Variants in UIMC1 observed in about 807,000 individuals in gnomAD.
UIMC1 encodes the protein BRCA1-A complex subunit RAP80.
In UIMC1, 42 loss-of-function variants were observed where a neutral mutation model predicts 84.9. The ratio of observed to expected loss-of-function variants is 0.49; its 90% CI spans 0.39 to 0.64. UIMC1 has a LOEUF of 0.64. Ranked by LOEUF, UIMC1 falls within the 30% of genes least tolerant of loss-of-function variation. The pLI is 0.00. For missense variants in UIMC1, 825 were observed against 847.6 expected (o/e 0.97, Z 0.33); for synonymous variants, 281 against 293.0 (o/e 0.96, Z 0.42).
chr5:176,929,650 C>T (rs1475022992), intron 10 of UIMC1, among the ~76,000 whole-genome samples: 7 of 152,056 alleles, frequency 4.6e-5, no homozygotes, highest in Non-Finnish European at 8.8e-5. Context: ...ACAGTGGCCA[C>T]GAGTTGATGA....
intron 6 of UIMC1, among the ~76,000 whole-genome samples, chr5:176,965,738 C>T (rs975929621): frequency 2.0e-5 from 3 of 152,172 alleles, no homozygotes; most frequent in Admixed American, 6.5e-5. Flanking sequence ...CAAAGAACTT[C>T]AATCTAATTA....
At chr5:176,905,828 A>C (rs753998769) in intron 14 of UIMC1, 183 bp downstream of exon 14, 2 of 664,964 alleles carry the variant, frequency 3.0e-6, no homozygotes, top group Admixed American at 2.9e-5. Flanking sequence ...CAATGAATGA[A>C]TTGAGTTATC....
chr5:177,002,592 GAA>G (rs1774687106), intron 1 of UIMC1, among the ~76,000 whole-genome samples: 2 of 152,150 alleles, frequency 1.3e-5, no homozygotes, highest in South Asian at 4.1e-4. Context: ...ACGAGGTCAG[GAA>G]ATCGAGACCA....
chr5:176,934,768 T>C (rs1763527474), intron 10 of UIMC1, among the ~76,000 whole-genome samples: 4 of 152,228 alleles, frequency 2.6e-5, no homozygotes, highest in African/African-American at 9.6e-5. Flanking sequence ...AAGAAAGGCC[T>C]ATCAGAGTCT....
intron 10 of UIMC1, among the ~76,000 whole-genome samples, chr5:176,928,884 G>A (rs965800058): frequency 3.9e-5 from 6 of 151,900 alleles, no homozygotes; most frequent in Admixed American, 3.9e-4. Flanking sequence ...CCAGGAGGCG[G>A]AGCTTGCAGT....
At chr5:176,959,541 C>T (rs1033924062) in intron 6 of UIMC1, among the ~76,000 whole-genome samples, 1 of 149,790 alleles carries the variant, frequency 6.7e-6, no homozygotes, top group Non-Finnish European at 1.5e-5. Flanking sequence ...ACGGTGAAAC[C>T]CCGTCTCTAC....
chr5:176,988,395 A>G (rs527856348), intron 1 of UIMC1, among the ~76,000 whole-genome samples: 1 of 152,174 alleles, frequency 6.6e-6, no homozygotes, highest in East Asian at 1.9e-4. Context: ...CCTTGAAAAC[A>G]TGCCAAGCGA....
At chr5:176,920,477 T>C (rs1022304575) in intron 10 of UIMC1, among the ~76,000 whole-genome samples, 1 of 152,234 alleles carries the variant, frequency 6.6e-6, no homozygotes, top group African/African-American at 2.4e-5. Flanking sequence ...TGTTTTATAA[T>C]TCTCAGAGAA....
intron 4 of UIMC1, 198 bp downstream of exon 4, chr5:176,970,544 T>G: frequency 1.3e-6 from 1 of 753,938 alleles, no homozygotes; most frequent in Non-Finnish European, 2.1e-6. Context: ...GAAAACTCTT[T>G]CATATAGAAT....
At chr5:176,932,935 C>A (rs147772964) in intron 10 of UIMC1, among the ~76,000 whole-genome samples, 56 of 150,330 alleles carry the variant, frequency 3.7e-4, no homozygotes, top group African/African-American at 1.4e-3. Context: ...CTACTTGCTG[C>A]CCACCCACCC....
chr5:177,000,899 T>C (rs1774350584), intron 1 of UIMC1, among the ~76,000 whole-genome samples: 1 of 152,336 alleles, frequency 6.6e-6, no homozygotes, highest in Admixed American at 6.5e-5. Flanking sequence ...TCCTTATACA[T>C]TCCGGTTATT....
intron 10 of UIMC1, among the ~76,000 whole-genome samples, chr5:176,940,649 C>T (rs1301053528): frequency 6.6e-6 from 1 of 152,088 alleles, no homozygotes; most frequent in Admixed American, 6.5e-5. Flanking sequence ...CTTCAGTGCT[C>T]TGCCACTAAA....
intron 10 of UIMC1, among the ~76,000 whole-genome samples, chr5:176,937,668 T>C (rs1043749905): frequency 2.6e-5 from 4 of 152,208 alleles, no homozygotes; most frequent in South Asian, 2.1e-4. Context: ...ATATGCATAA[T>C]TGTTATTGTG....
intron 10 of UIMC1, among the ~76,000 whole-genome samples, chr5:176,938,396 A>G (rs550901998): frequency 2.4e-4 from 37 of 151,468 alleles, no homozygotes; most frequent in African/African-American, 9.1e-4. Flanking sequence ...TGGGGAAACC[A>G]AGTAAAGAGA....
chr5:177,016,144 C>T (rs1472182768), intron 1 of UIMC1, among the ~76,000 whole-genome samples: 1 of 151,962 alleles, frequency 6.6e-6, no homozygotes, highest in Non-Finnish European at 1.5e-5. Flanking sequence ...GTGGGGGGAT[C>T]ACCTGAGGAC....
intron 8 of UIMC1, among the ~76,000 whole-genome samples, chr5:176,952,901 T>C (rs2149457070): frequency 6.6e-6 from 1 of 152,236 alleles, no homozygotes; most frequent in Admixed American, 6.5e-5. Context: ...CCAATGTATC[T>C]GGAAAAGAAA....
chr5:176,938,493 C>G (rs1306589975), intron 10 of UIMC1, among the ~76,000 whole-genome samples: 1 of 152,134 alleles, frequency 6.6e-6, no homozygotes, highest in African/African-American at 2.4e-5. Context: ...ACCTATACCC[C>G]CAAGCTCTGT....
At chr5:177,003,814 T>C (rs567737822) in intron 1 of UIMC1, among the ~76,000 whole-genome samples, 5 of 152,250 alleles carry the variant, frequency 3.3e-5, no homozygotes, top group African/African-American at 1.2e-4. Flanking sequence ...CCATCCTATT[T>C]AAATGTTTCC....
At chr5:176,958,229 T>G (rs1766861348) in intron 6 of UIMC1, 75 bp from the exon 7 acceptor site, 1 of 1,292,394 alleles carries the variant, frequency 7.7e-7, no homozygotes, top group Admixed American at 2.0e-5. Flanking sequence ...TAAAAAAATT[T>G]AATTGTTCAA....
Sources: gnomAD v4.1 joint callset for allele counts (sites outside exome capture counted in the v4.1 genomes callset) on GRCh38, gnomAD v4.1.1 for gene constraint, MANE v1.5 for transcripts, NCBI Gene and HGNC (gene_info 2026-07-23, HGNC 2026-07-21) for gene names.